WDFY4: variants seen among roughly 807,000 people sequenced by gnomAD.
WDFY4 encodes WDFY family member 4, also known as WD repeat- and FYVE domain-containing protein 4.
In WDFY4, 169 loss-of-function variants were observed where a neutral mutation model predicts 351.9. The observed-to-expected ratio is 0.48, with a 90% CI of 0.42 to 0.55. WDFY4 has a LOEUF of 0.55. Ranked by LOEUF, WDFY4 falls within the 20% of genes least tolerant of loss-of-function variation. The probability of loss-of-function intolerance (pLI) is 0.00; values close to 1 mark genes in which losing one functional copy is unlikely to be tolerated. For synonymous variants in WDFY4, 1,622 were observed against 1,574.6 expected (o/e 1.03, Z -0.71); for missense variants, 3,803 against 3,935.6 (o/e 0.97, Z 0.90).
At chr10:48,945,904 C>T (rs1297465175) in intron 49 of WDFY4, 136 bp from the exon 50 acceptor site, 15 of 571,392 alleles carry the variant, frequency 2.6e-5, no homozygotes, top group Non-Finnish European at 4.5e-5. Context: ...AAACCCCAGC[C>T]TGCCAGCTAA....
intron 23 of WDFY4, among the ~76,000 whole-genome samples, chr10:48,791,635 C>T (rs12217489): frequency 0.057 from 8,687 of 152,252 alleles, 590 homozygotes; most frequent in East Asian, 0.34. Flanking sequence ...TGAGACATGG[C>T]CACTGCCCTT....
At chr10:48,785,443 A>AT (rs979238556) in intron 19 of WDFY4, among the ~76,000 whole-genome samples, 1 of 152,018 alleles carries the variant, frequency 6.6e-6, no homozygotes, top group Admixed American at 6.6e-5. Context: ...ATATTCTCCT[A>AT]TTTTTTTCCC....
chr10:48,697,228 G>T (rs1415201331), intron 1 of WDFY4, among the ~76,000 whole-genome samples: 1 of 152,206 alleles, frequency 6.6e-6, no homozygotes. Context: ...TGGACAACAG[G>T]CCCTGCCATG....
At chr10:48,824,982 C>T (rs2067946774) in intron 35 of WDFY4, among the ~76,000 whole-genome samples, 1 of 152,130 alleles carries the variant, frequency 6.6e-6, no homozygotes, top group Admixed American at 6.5e-5. Context: ...TTCCAGGGTA[C>T]ATGTGCAGGA....
chr10:48,742,742 C>T (rs763687867), intron 11 of WDFY4, among the ~76,000 whole-genome samples: 13 of 152,154 alleles, frequency 8.5e-5, no homozygotes, highest in Non-Finnish European at 1.6e-4. Context: ...AAAAACAGGA[C>T]AGTTAAATCA....
chr10:48,919,305 A>G (rs182193819), intron 47 of WDFY4, among the ~76,000 whole-genome samples: 39 of 152,350 alleles, frequency 2.6e-4, no homozygotes, highest in African/African-American at 8.4e-4. Flanking sequence ...AGGAACTTAG[A>G]TAAGATCAAC....
Position 48,787,181 on chromosome 10 carries a change from A to G in WDFY4, c.3808+311A>G, listed in dbSNP as rs563812185. Among the ~76,000 whole-genome samples the G allele has an allele frequency of 2.0e-5, 3 of 152,374 alleles. No homozygotes were observed. In the East Asian group the frequency reaches 5.8e-4, roughly 29 times the overall value. On this transcript the variant is annotated intron_variant, in intron 20 of 61. Coordinates refer to ENST00000325239, the MANE Select transcript of WDFY4 (RefSeq NM_001394531.1). ...TTGCTTTTAATGAAGAAGCTTTTTA[A>G]CTAAAGTATACTGTTGACTTCAATT...
intron 10 of WDFY4, among the ~76,000 whole-genome samples, chr10:48,734,934 C>A (rs1423948394): frequency 2.9e-5 from 4 of 139,966 alleles, no homozygotes; most frequent in Non-Finnish European, 6.1e-5. Flanking sequence ...CGCCGCCATG[C>A]ACGGCTAATT....
chr10:48,890,787 G>A (rs1054648129), intron 44 of WDFY4, 60 bp downstream of exon 44: 30 of 1,542,246 alleles, frequency 1.9e-5, no homozygotes, highest in Middle Eastern at 1.7e-4. Flanking sequence ...CTTACCAGCC[G>A]CCCCCACTAT....
chr10:48,834,282 A>G (rs1288274295), intron 39 of WDFY4, among the ~76,000 whole-genome samples: 1 of 151,860 alleles, frequency 6.6e-6, no homozygotes, highest in East Asian at 1.9e-4. Context: ...AAAAAAAAAA[A>G]GAAAGTTAAG....
chr10:48,746,498 C>T (rs368977597), intron 12 of WDFY4, among the ~76,000 whole-genome samples: 5 of 151,348 alleles, frequency 3.3e-5, no homozygotes, highest in Admixed American at 3.3e-4. Context: ...GTTGGTTTTA[C>T]TTTGTTTTTC....
At chr10:48,932,403 T>G (rs1408011051) in intron 47 of WDFY4, 5 of 152,160 alleles carry the variant, frequency 3.3e-5, no homozygotes, top group Non-Finnish European at 7.3e-5. Context: ...CACTGACAAA[T>G]TATTAATACT....
intron 20 of WDFY4, among the ~76,000 whole-genome samples, chr10:48,787,833 C>CTTCTTCTTCTTCTTCTTCTTCT (rs2066463846): frequency 7.2e-6 from 1 of 138,866 alleles, no homozygotes; most frequent in East Asian, 2.1e-4. Context: ...TCTTCTTCTT[C>CTTCTTCTTCTTCTTCTTCTTCT]TTCTTCTTCT....
chr10:48,694,971 C>G (rs79393874), intron 1 of WDFY4, among the ~76,000 whole-genome samples: 1 of 152,174 alleles, frequency 6.6e-6, no homozygotes, highest in Non-Finnish European at 1.5e-5. Context: ...GCCCCCTGCT[C>G]CCCCTGAGCT....
intron 35 of WDFY4, chr10:48,823,282 G>A (rs1589693254): frequency 1.1e-5 from 14 of 1,293,926 alleles, no homozygotes; most frequent in Non-Finnish European, 1.4e-5. Flanking sequence ...AATTCAAGTT[G>A]TCCCACCCAG....
chr10:48,703,605 G>A (rs1254534522), intron 1 of WDFY4, among the ~76,000 whole-genome samples: 1 of 152,128 alleles, frequency 6.6e-6, no homozygotes, highest in Non-Finnish European at 1.5e-5. Flanking sequence ...TCTTGCTCTG[G>A]GGCAGCTTTT....
At position 48,727,658 on chromosome 10, in the gene WDFY4, C is replaced by A. The variant is rs758535167; in HGVS notation, c.970C>A (p.Arg324=). Residue 324 remains arginine, a splice_region_variant and synonymous_variant, in exon 7 of 62, where the codon CGG becomes AGG. Coordinates refer to ENST00000325239, the MANE Select transcript of WDFY4 (RefSeq NM_001394531.1). Reference sequence around the variant, plus strand: ...TCCTCTGCTGCTCAAAGTGTTACTTCGGTAAGTGGCTGTGTTTGGTACGGG... The same window carrying A: ...TCCTCTGCTGCTCAAAGTGTTACTTAGGTAAGTGGCTGTGTTTGGTACGGG... ...GYPLLLKVLL[R]YDGLTQSEVD... The A allele has an allele frequency of 6.4e-7, 1 of 1,551,758 alleles. No homozygotes were observed. Among genetic ancestry groups the A allele is most frequent in the African/African-American group, 1.4e-5 (1 of 73,056 alleles).
At chr10:48,950,021 A>G (rs907804039) in intron 51 of WDFY4, among the ~76,000 whole-genome samples, 4 of 152,148 alleles carry the variant, frequency 2.6e-5, no homozygotes, top group African/African-American at 9.7e-5. Context: ...AAACTATTTT[A>G]TACTTATTTG....
At chr10:48,833,952 G>C (rs1311502778) in intron 39 of WDFY4, among the ~76,000 whole-genome samples, 1 of 152,226 alleles carries the variant, frequency 6.6e-6, no homozygotes, top group African/African-American at 2.4e-5. Flanking sequence ...TGCCCAGGCA[G>C]CCGAGGAAAA....
Sources: allele counts gnomAD v4.1 joint callset (sites outside exome capture counted in the v4.1 genomes callset), GRCh38; gene constraint gnomAD v4.1.1; transcripts MANE v1.5; gene names NCBI Gene and HGNC (gene_info 2026-07-23, HGNC 2026-07-21).